FUT8: variants seen among roughly 807,000 people sequenced by gnomAD.
The protein encoded by FUT8 is alpha-(1,6)-fucosyltransferase.
In FUT8, 29 loss-of-function variants were observed where a neutral mutation model predicts 71.3. The observed-to-expected ratio is 0.41, with a 90% CI of 0.30 to 0.55. The LOEUF is 0.55. FUT8 is among the 20% of genes least tolerant of loss of function. The pLI is 0.34. For missense variants in FUT8, 544 were observed against 702.1 expected (o/e 0.77, Z 2.55); for synonymous variants, 254 against 239.3 (o/e 1.06, Z -0.57).
chr14:65,519,751 C>T (rs998495542), intron 2 of FUT8, among the ~76,000 whole-genome samples: 9 of 151,982 alleles, frequency 5.9e-5, no homozygotes, highest in African/African-American at 2.2e-4. Flanking sequence ...TCAACATTTA[C>T]CTTTAATGTT....
chr14:65,407,469 T>C (rs541606296), upstream of FUT8, among the ~76,000 whole-genome samples: 4 of 152,300 alleles, frequency 2.6e-5, no homozygotes, highest in Admixed American at 6.5e-5. Flanking sequence ...ATGTATCCAA[T>C]ATATTTAAAA....
At chr14:65,531,191 C>T (rs533133896) in intron 2 of FUT8, among the ~76,000 whole-genome samples, 16 of 151,284 alleles carry the variant, frequency 1.1e-4, no homozygotes, top group African/African-American at 2.9e-4. Context: ...AAATTTTTTT[C>T]GAAAGGATAT....
intron 2 of FUT8, among the ~76,000 whole-genome samples, chr14:65,463,507 G>A (rs79665113): frequency 0.014 from 2,058 of 152,200 alleles, 44 homozygotes; most frequent in East Asian, 0.092. Context: ...TGCTCAAGCA[G>A]TTCCCCACCT....
At chr14:65,636,070 G>T (rs1211509040) in intron 6 of FUT8, among the ~76,000 whole-genome samples, 6 of 151,996 alleles carry the variant, frequency 3.9e-5, no homozygotes, top group African/African-American at 1.5e-4. Flanking sequence ...AAGCTAGGAG[G>T]GTTGTATTTT....
At chr14:65,635,783 G>T (rs1048168296) in intron 6 of FUT8, among the ~76,000 whole-genome samples, 3 of 152,134 alleles carry the variant, frequency 2.0e-5, no homozygotes, top group Non-Finnish European at 2.9e-5. Context: ...AGAGATACTG[G>T]TCTGTAGTTT....
chr14:65,641,526 C>T (rs1890829842), intron 6 of FUT8, among the ~76,000 whole-genome samples: 1 of 152,102 alleles, frequency 6.6e-6, no homozygotes, highest in South Asian at 2.1e-4. Context: ...GGCTAAATAC[C>T]TAGGAGTGGA....
At chr14:65,519,096 A>G (rs1882910348) in intron 2 of FUT8, among the ~76,000 whole-genome samples, 1 of 152,208 alleles carries the variant, frequency 6.6e-6, no homozygotes, top group African/African-American at 2.4e-5. Flanking sequence ...GGCATGTAAT[A>G]GGCGCTTAAA....
intron 7 of FUT8, among the ~76,000 whole-genome samples, chr14:65,718,811 C>G (rs759724911): frequency 3.3e-5 from 5 of 152,052 alleles, no homozygotes; most frequent in Admixed American, 2.6e-4. Context: ...TGTAATGTTT[C>G]CACTGAAAAG....
the FUT8 span, among the ~76,000 whole-genome samples, chr14:65,371,370 G>A: frequency 6.6e-6 from 1 of 152,180 alleles, no homozygotes. Flanking sequence ...TGAAAATTAG[G>A]AAATTAACGT....
chr14:65,491,463 A>C (rs1299125286), intron 2 of FUT8, among the ~76,000 whole-genome samples: 1 of 152,170 alleles, frequency 6.6e-6, no homozygotes, highest in Non-Finnish European at 1.5e-5. Flanking sequence ...TTCTCATGTG[A>C]GTCCAGTGGG....
At chr14:65,736,317 CTATAG>C (rs1364845703) in intron 10 of FUT8, among the ~76,000 whole-genome samples, 1 of 151,604 alleles carries the variant, frequency 6.6e-6, no homozygotes, top group African/African-American at 2.4e-5. Context: ...TAGAGACACT[CTATAG>C]TATTTATTTT....
At chr14:65,402,747 C>T in the FUT8 span, among the ~76,000 whole-genome samples, 4 of 152,090 alleles carry the variant, frequency 2.6e-5, no homozygotes, top group East Asian at 7.7e-4. Flanking sequence ...CAATCTCCTG[C>T]CTCAGCCTCT....
rs1347415070 is a variant in FUT8, at chr14:65,724,251, G to A, written c.1187G>A (p.Arg396Lys). The A allele has an allele frequency of 3.1e-6, 5 of 1,613,478 alleles. No individual in the cohort carries two copies. The highest frequency in any genetic ancestry group is 4.2e-6 in the Non-Finnish European group (5 of 1,179,848). Residue 396 changes from arginine (R) to lysine (K), a missense_variant, in exon 9 of 11, where the codon AGA becomes AAA. Transcript: ENST00000673929. ...VEEHFQLLAR[R>K]MQVDKKRVYL... ...GAACATTTTCAGCTTCTTGCACGCA[G>A]AATGCAAGTGGACAAAAAAAGAGTG...
intron 7 of FUT8, among the ~76,000 whole-genome samples, chr14:65,697,438 T>C (rs1011414203): frequency 2.6e-5 from 4 of 152,182 alleles, no homozygotes; most frequent in African/African-American, 7.2e-5. Flanking sequence ...TAAACCTGAA[T>C]TGGGTATTTC....
At chr14:65,466,648 G>A (rs911122050) in intron 2 of FUT8, among the ~76,000 whole-genome samples, 3 of 152,170 alleles carry the variant, frequency 2.0e-5, no homozygotes, top group Non-Finnish European at 4.4e-5. Context: ...TACTCAGGGG[G>A]CTGAGGCAGG....
chr14:65,614,768 A>G (rs573262639), intron 3 of FUT8, among the ~76,000 whole-genome samples: 25 of 152,332 alleles, frequency 1.6e-4, no homozygotes, highest in African/African-American at 5.8e-4. Flanking sequence ...AGATAATCCA[A>G]TCTCAAAATC....
chr14:65,617,701 T>G (rs1889355673), intron 5 of FUT8, among the ~76,000 whole-genome samples: 4 of 152,092 alleles, frequency 2.6e-5, no homozygotes, highest in African/African-American at 9.7e-5. Flanking sequence ...TCCCAGCACT[T>G]TGGGAGGCTG....
intron 6 of FUT8, among the ~76,000 whole-genome samples, chr14:65,662,795 GA>G (rs1287131949): frequency 6.6e-6 from 1 of 152,140 alleles, no homozygotes; most frequent in East Asian, 1.9e-4. Flanking sequence ...CTAACCAATT[GA>G]AACCAAATCA....
intron 3 of FUT8, among the ~76,000 whole-genome samples, chr14:65,582,981 G>C (rs1447792081): frequency 1.3e-5 from 2 of 152,112 alleles, no homozygotes; most frequent in Non-Finnish European, 2.9e-5. Flanking sequence ...CATAGTGAAT[G>C]CTGCATGAAT....
Sources: allele counts gnomAD v4.1 joint callset (sites outside exome capture counted in the v4.1 genomes callset), GRCh38; gene constraint gnomAD v4.1.1; transcripts MANE v1.5; gene names NCBI Gene and HGNC (gene_info 2026-07-23, HGNC 2026-07-21).